Variants in RBFOX1 observed in about 807,000 individuals in gnomAD.
The protein encoded by RBFOX1 is RNA binding protein fox-1 homolog 1.
Under a neutral mutation model 57.7 loss-of-function variants are expected in RBFOX1, and 8 were observed. The ratio of observed to expected loss-of-function variants is 0.14; its 90% confidence interval spans 0.08 to 0.25. The LOEUF (loss-of-function observed/expected upper bound fraction) is 0.25, where lower values mean the gene tolerates loss of function less well. Ranked by LOEUF, RBFOX1 falls within the 10% of genes least tolerant of loss-of-function variation. The pLI is 1.00. For synonymous variants in RBFOX1, 326 were observed against 222.4 expected (o/e 1.47, Z -4.15); for missense variants, 611 against 548.5 (o/e 1.11, Z -1.14).
chr16:6,011,123 G>C (rs1040191630), intron 4 of RBFOX1, among the ~76,000 whole-genome samples: 2 of 152,142 alleles, frequency 1.3e-5, no homozygotes, highest in African/African-American at 4.8e-5. Flanking sequence ...GAAAGAAATC[G>C]ATTGTCAATA....
At chr16:6,956,314 C>T (rs1005208020) in intron 3 of RBFOX1, among the ~76,000 whole-genome samples, 1 of 152,124 alleles carries the variant, frequency 6.6e-6, no homozygotes. Context: ...AATCCCCATT[C>T]GTCATCTCCC....
intron 4 of RBFOX1, among the ~76,000 whole-genome samples, chr16:7,430,223 C>G (rs757137037): frequency 3.3e-5 from 5 of 152,218 alleles, no homozygotes; most frequent in African/African-American, 4.8e-5. Flanking sequence ...ATTCCAGCCT[C>G]ATGTCTTCAC....
intron 3 of RBFOX1, among the ~76,000 whole-genome samples, chr16:6,760,891 A>T (rs543542631): frequency 4.6e-5 from 7 of 152,122 alleles, no homozygotes; most frequent in Non-Finnish European, 1.0e-4. Flanking sequence ...ATTGGACTCT[A>T]ATGGATAGAT....
chr16:6,393,109 T>G (rs1301244164), intron 2 of RBFOX1, among the ~76,000 whole-genome samples: 1 of 152,238 alleles, frequency 6.6e-6, no homozygotes, highest in African/African-American at 2.4e-5. Flanking sequence ...TTTGGGAGGC[T>G]TTAACTATGA....
At chr16:5,872,809 A>G (rs570626791) in intron 4 of RBFOX1, among the ~76,000 whole-genome samples, 1 of 152,312 alleles carries the variant, frequency 6.6e-6, no homozygotes, top group African/African-American at 2.4e-5. Context: ...ATGTTCAACA[A>G]TTAGTATTTT....
intron 4 of RBFOX1, among the ~76,000 whole-genome samples, chr16:6,003,227 C>A (rs1381377965): frequency 6.7e-6 from 1 of 148,620 alleles, no homozygotes. Context: ...TCCGGTGAGC[C>A]GAGATCGCGC....
chr16:5,928,173 A>G (rs775129091), intron 4 of RBFOX1, among the ~76,000 whole-genome samples: 1 of 152,112 alleles, frequency 6.6e-6, no homozygotes, highest in Non-Finnish European at 1.5e-5. Flanking sequence ...AGCTCACTGT[A>G]GCCTTGATCT....
intron 5 of RBFOX1, among the ~76,000 whole-genome samples, chr16:7,531,337 A>T (rs1452091865): frequency 6.6e-6 from 1 of 152,178 alleles, no homozygotes; most frequent in African/African-American, 2.4e-5. Flanking sequence ...GATCACTAGC[A>T]TTTAGTGAGC....
chr16:6,434,403 C>T (rs1486472229), intron 2 of RBFOX1, among the ~76,000 whole-genome samples: 2 of 152,144 alleles, frequency 1.3e-5, no homozygotes, highest in Admixed American at 6.5e-5. Context: ...CATGAAGGCT[C>T]CTCAGCCTTC....
intron 4 of RBFOX1, among the ~76,000 whole-genome samples, chr16:7,107,499 G>C (rs1045879974): frequency 1.3e-5 from 2 of 152,056 alleles, no homozygotes; most frequent in African/African-American, 4.8e-5. Context: ...AGGATTAACT[G>C]TACATATGTA....
At chr16:6,454,006 CTTGG>C (rs2094699060) in intron 2 of RBFOX1, among the ~76,000 whole-genome samples, 1 of 152,190 alleles carries the variant, frequency 6.6e-6, no homozygotes. Flanking sequence ...GGCTTTCCTG[CTTGG>C]TTGGTAGATG....
rs527505401 is a variant in RBFOX1 at position 5,903,458 on chromosome 16, G to C, written c.351+36123G>C. Among the ~76,000 whole-genome samples, 13 of 152,252 alleles carry C rather than the reference G, an allele frequency of 8.5e-5. No homozygotes were observed. The East Asian group carries it at 1.4e-3, about 16-fold the overall frequency. ...CAAAAGGGGGCATTTATGGGGTACA[G>C]TTGCTGTGTGCTCCTCTTTCTCATC... On this transcript the variant is annotated intron_variant, in intron 4 of 19. Transcript: ENST00000641259.
chr16:7,171,990 G>A (rs914742972), intron 4 of RBFOX1, among the ~76,000 whole-genome samples: 1 of 152,152 alleles, frequency 6.6e-6, no homozygotes, highest in Non-Finnish European at 1.5e-5. Flanking sequence ...AGTATAGTAG[G>A]AAGAATCCTA....
chr16:6,522,961 C>G (rs1011538684), intron 2 of RBFOX1, among the ~76,000 whole-genome samples: 2 of 152,130 alleles, frequency 1.3e-5, no homozygotes, highest in African/African-American at 4.8e-5. Context: ...TGTCCAGGTT[C>G]TTTAAAGAAC....
At chr16:5,591,049 T>G (rs886707084) in intron 2 of RBFOX1, among the ~76,000 whole-genome samples, 1 of 150,910 alleles carries the variant, frequency 6.6e-6, no homozygotes, top group South Asian at 2.1e-4. Context: ...TGGCAAGAAA[T>G]GAAGCCTTAC....
At chr16:5,746,917 T>C (rs2053006661) in intron 3 of RBFOX1, among the ~76,000 whole-genome samples, 1 of 152,236 alleles carries the variant, frequency 6.6e-6, no homozygotes. Flanking sequence ...TTTTCCTAAT[T>C]GAATACCCTT....
At chr16:5,872,634 G>A (rs1006858762) in intron 4 of RBFOX1, among the ~76,000 whole-genome samples, 5 of 152,118 alleles carry the variant, frequency 3.3e-5, no homozygotes, top group African/African-American at 1.2e-4. Context: ...TACTCAGGAG[G>A]CTGAGGTGGG....
At chr16:5,316,979 G>C (rs1376701104) in intron 1 of RBFOX1, among the ~76,000 whole-genome samples, 2 of 152,118 alleles carry the variant, frequency 1.3e-5, no homozygotes, top group African/African-American at 4.8e-5. Flanking sequence ...GAGGAGCTGG[G>C]ATGCCCATAT....
intron 3 of RBFOX1, among the ~76,000 whole-genome samples, chr16:6,948,898 G>C (rs768792003): frequency 1.4e-4 from 21 of 152,166 alleles, no homozygotes; most frequent in Middle Eastern, 3.2e-3. Context: ...AGCATCCTCT[G>C]ACTGTCAATG....
Sources: gnomAD v4.1 joint callset for allele counts (sites outside exome capture counted in the v4.1 genomes callset) on GRCh38, gnomAD v4.1.1 for gene constraint, MANE v1.5 for transcripts, NCBI Gene and HGNC (gene_info 2026-07-23, HGNC 2026-07-21) for gene names.